The following PRKN variants were observed in gnomAD, a reference collection of about 807,000 sequenced individuals.
PRKN encodes parkin RBR E3 ubiquitin protein ligase.
PRKN carries 56 observed loss-of-function variants against 59.5 expected under a neutral mutation model. The ratio of observed to expected loss-of-function variants is 0.94; its 90% CI spans 0.76 to 1.18. The LOEUF (loss-of-function observed/expected upper bound fraction) is 1.18, where lower values mean the gene tolerates loss of function less well. Among genes scored for constraint, PRKN ranks in the 50% most tolerant of loss-of-function variants. PRKN has a pLI of 0.00. For missense variants in PRKN, 657 were observed against 596.4 expected, an observed-to-expected ratio of 1.10 and a Z score of -1.06; for synonymous variants, 250 against 222.1, an observed-to-expected ratio of 1.13 and a Z score of -1.12.
At chr6:161,633,102 G>T (rs1378793934) in intron 7 of PRKN, among the ~76,000 whole-genome samples, 1 of 152,100 alleles carries the variant, frequency 6.6e-6, no homozygotes, top group Non-Finnish European at 1.5e-5. Flanking sequence ...AATTAAAACA[G>T]AAATATTTGT....
chr6:161,485,234 A>G (rs1195850766), intron 9 of PRKN, among the ~76,000 whole-genome samples: 1 of 152,232 alleles, frequency 6.6e-6, no homozygotes, highest in Non-Finnish European at 1.5e-5. Flanking sequence ...TTGGTAGGCT[A>G]GGCAGAGTAG....
chr6:161,574,254 G>T (rs73593483), intron 7 of PRKN, among the ~76,000 whole-genome samples: 1 of 152,034 alleles, frequency 6.6e-6, no homozygotes, highest in African/African-American at 2.4e-5. Context: ...TGCAAGACGG[G>T]CCCACAGAAT....
chr6:161,762,948 C>A (rs908948526), intron 7 of PRKN, among the ~76,000 whole-genome samples: 3 of 152,014 alleles, frequency 2.0e-5, no homozygotes, highest in Non-Finnish European at 4.4e-5. Flanking sequence ...ATGGAGAGAA[C>A]ATGAAATACT....
chr6:162,634,414 AC>A (rs1777631941), intron 1 of PRKN, among the ~76,000 whole-genome samples: 1 of 152,048 alleles, frequency 6.6e-6, no homozygotes, highest in African/African-American at 2.4e-5. Context: ...GAGGACTCAA[AC>A]CACAGCTGCT....
intron 3 of PRKN, among the ~76,000 whole-genome samples, chr6:162,224,009 C>T (rs894768737): frequency 1.3e-5 from 2 of 152,138 alleles, no homozygotes; most frequent in African/African-American, 4.8e-5. Context: ...GTCACTCAAG[C>T]TCCTGGTTGT....
intron 6 of PRKN, among the ~76,000 whole-genome samples, chr6:161,810,709 T>G (rs1372408279): frequency 6.6e-6 from 1 of 152,232 alleles, no homozygotes; most frequent in Non-Finnish European, 1.5e-5. Context: ...ATGTATTTAC[T>G]TCTTATTAGA....
At chr6:161,358,531 C>T (rs942672240) in intron 11 of PRKN, among the ~76,000 whole-genome samples, 1 of 152,110 alleles carries the variant, frequency 6.6e-6, no homozygotes, top group Non-Finnish European at 1.5e-5. Flanking sequence ...AGGAGAATCT[C>T]TTGAACTCGG....
intron 6 of PRKN, among the ~76,000 whole-genome samples, chr6:161,856,578 A>G (rs932173007): frequency 2.6e-5 from 4 of 152,238 alleles, no homozygotes; most frequent in Admixed American, 2.6e-4. Context: ...TGGTGACTGT[A>G]ATCGATAAAA....
intron 4 of PRKN, among the ~76,000 whole-genome samples, chr6:162,181,651 GA>G (rs1783809048): frequency 6.6e-6 from 1 of 152,142 alleles, no homozygotes; most frequent in Admixed American, 6.5e-5. Context: ...ACCACAAAGA[GA>G]AACATGGGGA....
intron 6 of PRKN, among the ~76,000 whole-genome samples, chr6:161,853,404 T>A (rs1008910266): frequency 6.6e-6 from 1 of 152,154 alleles, no homozygotes; most frequent in Non-Finnish European, 1.5e-5. Context: ...GAAGATAAGT[T>A]TTGAAAGACT....
chr6:161,674,053 G>A (rs1785002647), intron 7 of PRKN, among the ~76,000 whole-genome samples: 2 of 152,120 alleles, frequency 1.3e-5, no homozygotes, highest in African/African-American at 4.8e-5. Context: ...GAGTATTTAA[G>A]TCAATGATGC....
At chr6:162,154,889 G>C (rs1400436017) in intron 4 of PRKN, among the ~76,000 whole-genome samples, 1 of 150,452 alleles carries the variant, frequency 6.6e-6, no homozygotes, top group Non-Finnish European at 1.5e-5. Flanking sequence ...TCTCTCACCA[G>C]TATAAAAGGA....
At chr6:162,181,289 A>G (rs1050803384) in intron 4 of PRKN, among the ~76,000 whole-genome samples, 15 of 152,234 alleles carry the variant, frequency 9.9e-5, no homozygotes, top group African/African-American at 3.6e-4. Context: ...GATTAATTAC[A>G]TAAATCACAC....
At chr6:162,417,772 T>C (rs547364774) in intron 2 of PRKN, among the ~76,000 whole-genome samples, 1 of 152,344 alleles carries the variant, frequency 6.6e-6, no homozygotes, top group Non-Finnish European at 1.5e-5. Context: ...ACGGGTCTTC[T>C]GTTGAGAAAT....
chr6:162,016,597 G>T (rs1202921061), intron 5 of PRKN, among the ~76,000 whole-genome samples: 1 of 152,080 alleles, frequency 6.6e-6, no homozygotes, highest in Non-Finnish European at 1.5e-5. Context: ...TAGAAGTAGG[G>T]TATTAGATCC....
intron 9 of PRKN, among the ~76,000 whole-genome samples, chr6:161,438,367 A>G (rs892464428): frequency 1.3e-5 from 2 of 151,786 alleles, no homozygotes; most frequent in Non-Finnish European, 2.9e-5. Context: ...ACAGGCACAC[A>G]CCACCACGCC....
intron 7 of PRKN, among the ~76,000 whole-genome samples, chr6:161,596,232 T>C (rs1781908441): frequency 6.6e-6 from 1 of 151,954 alleles, no homozygotes; most frequent in South Asian, 2.1e-4. Context: ...TAGAGAATGA[T>C]GACCAAGGTG....
At position 161,386,537 on chromosome 6, in the gene PRKN, ATGCC is replaced by A. The variant is rs908432364; in HGVS notation, c.1167+253_1167+256del. Among the ~76,000 whole-genome samples, 5 of 152,218 alleles carry A rather than the reference ATGCC, an allele frequency of 3.3e-5. No homozygotes were observed. The highest frequency in any genetic ancestry group is 7.3e-5 in the Non-Finnish European group (5 of 68,036). ...TAAGGACTCCTTTGAAAATGCTCACATGCCTTGTCCCTGTTCCATATCTGCCCAG... is the reference window on the plus strand; with the variant it reads ...TAAGGACTCCTTTGAAAATGCTCACATTGTCCCTGTTCCATATCTGCCCAG... On this transcript the variant is annotated intron_variant, in intron 10 of 11. Coordinates refer to ENST00000366898, the MANE Select transcript of PRKN (RefSeq NM_004562.3). The surrounding 1 kb of genome is among the most constrained non-coding windows in gnomAD (Gnocchi z 4.3).
At chr6:161,801,507 G>A (rs2128210698) in intron 6 of PRKN, among the ~76,000 whole-genome samples, 1 of 152,322 alleles carries the variant, frequency 6.6e-6, no homozygotes. Context: ...TGATTACGGG[G>A]CTTTAACTTA....
Sources: allele counts gnomAD v4.1 joint callset (sites outside exome capture counted in the v4.1 genomes callset), GRCh38; gene constraint gnomAD v4.1.1; non-coding constraint Gnocchi (gnomAD v3.1); transcripts MANE v1.5; gene names NCBI Gene and HGNC (gene_info 2026-07-23, HGNC 2026-07-21).